Variants in MCHR1 observed in about 807,000 individuals in gnomAD.
MCHR1 encodes the protein melanin concentrating hormone receptor 1.
A neutral mutation model predicts 20.4 loss-of-function variants in MCHR1; 13 were observed. That is an observed-to-expected ratio of 0.64 (90% confidence interval 0.41 to 1.01). MCHR1 has a LOEUF of 1.01. Among genes scored for constraint, MCHR1 ranks in the 50% least tolerant of loss-of-function variants. The probability of loss-of-function intolerance (pLI) is 0.00; values close to 1 mark genes in which losing one functional copy is unlikely to be tolerated. For synonymous variants in MCHR1, 215 were observed against 204.4 expected, an observed-to-expected ratio of 1.05 and a Z score of -0.44; for missense variants, 472 against 477.0, an observed-to-expected ratio of 0.99 and a Z score of 0.10.
rs772656110 is a variant in MCHR1, at chr22:40,679,496, AGGC to A, written c.-153_-151del. 3 of 1,614,110 alleles carry A rather than the reference AGGC, an allele frequency of 1.9e-6. No individual in the cohort carries two copies. The South Asian group carries it at 3.3e-5, about 18-fold the overall frequency. On this transcript the variant is annotated 5_prime_UTR_variant, in exon 1 of 2. Transcript: ENST00000249016. The stretch of plus-strand genomic sequence containing the variant: ...GAGTGGGGAGGGCAGTTGGGCTTGG[AGGC>A]GGCAGCGGCTGCCAGGCTACGGAGG...
At position 40,680,866 on chromosome 22, in the gene MCHR1, G is replaced by A. The variant is rs114370642; in HGVS notation, c.83-83G>A. 209 of 1,595,312 alleles carry A rather than the reference G, an allele frequency of 1.3e-4. No individual in the cohort carries two copies. The African/African-American group carries it at 2.6e-3, about 19-fold the overall frequency. On this transcript the variant is annotated intron_variant, in intron 1 of 1. Coordinates refer to ENST00000249016, the MANE Select transcript of MCHR1 (RefSeq NM_005297.4). ...GATTCCAGATGAACGGTGGGTCGCT[G>A]GAGGCTGAGCATGCCAGCAGGATGT... is the stretch of plus-strand genomic sequence containing the variant.
chr22:40,682,699 T>A lies in MCHR1; in HGVS notation c.*771T>A, dbSNP rs1028410541. The A allele has an allele frequency of 6.5e-6, 1 of 153,084 alleles. No individual in the cohort carries two copies. Among genetic ancestry groups the A allele is most frequent in the East Asian group, 1.9e-4 (1 of 5,196 alleles). 9.5% of individuals were successfully genotyped at this position (153,084 alleles called of 1,614,324 possible). A position where few individuals can be genotyped will look rare whatever the true frequency, so the allele number is the denominator to read the frequency against. On this transcript the variant is annotated 3_prime_UTR_variant, in exon 2 of 2. Transcript: ENST00000249016. ...CTCAGTCACTAATCCAGCTTGAGTG[T>A]CCGTGTGTTCTGCATGTGCAGGGGT...
chr22:40,680,917 A>G (rs1403806194), intron 1 of MCHR1, 32 bp from the exon 2 acceptor site: 1 of 1,612,286 alleles, frequency 6.2e-7, no homozygotes, highest in South Asian at 1.1e-5. Context: ...AGCCCATGTC[A>G]AACAGCCAAC....
At chr22:40,679,759 C>A in intron 1 of MCHR1, 25 bp downstream of exon 1, 1 of 1,613,630 alleles carries the variant, frequency 6.2e-7, no homozygotes, top group South Asian at 1.1e-5. Flanking sequence ...AGCCCTCCCT[C>A]CTCTGGGCTG....
intron 1 of MCHR1, 177 bp from the exon 2 acceptor site, chr22:40,680,772 A>G: frequency 1.0e-6 from 1 of 985,270 alleles, no homozygotes; most frequent in Middle Eastern, 5.2e-4. Context: ...AGGATTCACC[A>G]GGAAACTCAT....
rs763028861 is a variant in MCHR1, at chr22:40,679,753, C to T, written c.82+19C>T. 1.2e-6 allele frequency: 2 copies of T among 1,613,908 alleles called. No individual in the cohort carries two copies. The highest frequency in any genetic ancestry group is 1.7e-6 in the Non-Finnish European group (2 of 1,179,844). ...TCGGCAGGTGAGTTGACTGGGAGCC[C>T]TCCCTCCTCTGGGCTGTGGGTGGAA... On this transcript the variant is annotated intron_variant, in intron 1 of 1. Coordinates refer to ENST00000249016, the MANE Select transcript of MCHR1 (RefSeq NM_005297.4).
At position 40,681,165 on chromosome 22, in the gene MCHR1, T is replaced by C. The variant is rs2056877760; in HGVS notation, c.299T>C (p.Ile100Thr). 1 of 1,614,086 alleles carries C rather than the reference T, an allele frequency of 6.2e-7. No homozygotes were observed. Among genetic ancestry groups the C allele is most frequent in the Non-Finnish European group, 8.5e-7 (1 of 1,179,988 alleles). The change falls in exon 2 of 2, where the codon ATC becomes ACC. Residue 100 changes from isoleucine to threonine, a missense_variant. Ile to Thr is a moderately conservative substitution (Grantham distance 89). Coordinates refer to ENST00000249016, the MANE Select transcript of MCHR1 (RefSeq NM_005297.4). This position sits in a 1 kb window ranked among gnomAD's most constrained non-coding sequence, Gnocchi z 4.3. The stretch of plus-strand genomic sequence containing the variant: ...TTTCTCCTGGGCATGCCCTTCATGA[T>C]CCACCAGCTCATGGGCAATGGGGTG... ...LLFLLGMPFM[I>T]HQLMGNGVWH...
In MCHR1 at chr22:40,679,745, T is replaced by C; in HGVS notation, c.82+11T>C. 1.2e-6 allele frequency: 2 copies of C among 1,614,008 alleles called. No individual in the cohort carries two copies. Among genetic ancestry groups the C allele is most frequent in the Middle Eastern group, 1.6e-4 (1 of 6,062 alleles). ...ACCTCACTTCGGCAGGTGAGTTGAC[T>C]GGGAGCCCTCCCTCCTCTGGGCTGT... On this transcript the variant is annotated intron_variant, in intron 1 of 1. Coordinates refer to ENST00000249016, the MANE Select transcript of MCHR1 (RefSeq NM_005297.4).
At chr22:40,680,869 G>A in intron 1 of MCHR1, 80 bp from the exon 2 acceptor site, 5 of 1,592,018 alleles carry the variant, frequency 3.1e-6, no homozygotes, top group Non-Finnish European at 4.3e-6. Flanking sequence ...GGTCGCTGGA[G>A]GCTGAGCATG....
chr22:40,680,913 T>G (rs201899738), intron 1 of MCHR1, 36 bp from the exon 2 acceptor site: 53 of 1,611,828 alleles, frequency 3.3e-5, no homozygotes, highest in Non-Finnish European at 4.3e-5. Flanking sequence ...GCAAAGCCCA[T>G]GTCAAACAGC....
intron 1 of MCHR1, among the ~76,000 whole-genome samples, chr22:40,680,599 G>C (rs1436350970): frequency 1.3e-5 from 2 of 151,492 alleles, no homozygotes; most frequent in South Asian, 4.2e-4. Flanking sequence ...CACATACACA[G>C]ACACTTACTT....
At position 40,679,607 on chromosome 22, in the gene MCHR1, G is replaced by A. The variant is rs968597948; in HGVS notation, c.-46G>A. ...GGCTGCCGCAGCCTGCGTGGGTGGA[G>A]GGGAGCTCAGCTCGGTTGTGGGAGC... On this transcript the variant is annotated 5_prime_UTR_variant, in exon 1 of 2. Coordinates refer to ENST00000249016, the MANE Select transcript of MCHR1 (RefSeq NM_005297.4). The A allele has an allele frequency of 1.9e-6, 3 of 1,613,926 alleles. No homozygotes were observed. The highest frequency in any genetic ancestry group is 8.5e-7 in the Non-Finnish European group (1 of 1,179,862).
At position 40,681,766 on chromosome 22, in the gene MCHR1, C is replaced by T. The variant is rs767755659; in HGVS notation, c.900C>T (p.Gly300=). The change falls in exon 2 of 2, where the codon GGC becomes GGT. Residue 300 remains glycine (G), a synonymous_variant. Coordinates refer to ENST00000249016, the MANE Select transcript of MCHR1 (RefSeq NM_005297.4). This position sits in a 1 kb window ranked among gnomAD's most constrained non-coding sequence, Gnocchi z 4.3. ...VYLYNAAISL[G]YANSCLNPFV... is the part of the protein sequence containing the mutation. ...TATACAATGCGGCCATCAGCTTGGG[C>T]TATGCCAACAGCTGCCTCAACCCCT... The T allele has an allele frequency of 4.3e-6, 7 of 1,614,144 alleles. No individual in the cohort carries two copies. The East Asian group carries it at 1.3e-4, about 31-fold the overall frequency.
Position 40,680,964 on chromosome 22 carries a change from C to A in MCHR1, c.98C>A (p.Thr33Lys). 1.2e-6 allele frequency: 2 copies of A among 1,614,104 alleles called. No individual in the cohort carries two copies. The highest frequency in any genetic ancestry group is 1.7e-6 in the Non-Finnish European group (2 of 1,180,026). The change falls in exon 2 of 2, where the codon ACG becomes AAG. Residue 33 changes from threonine (T) to lysine (K), a missense_variant. Physicochemically the swap from Thr to Lys is moderately conservative, Grantham distance 78. Coordinates refer to ENST00000249016, the MANE Select transcript of MCHR1 (RefSeq NM_005297.4). ...CTGTCCCCAGGATCACCTCCTCGCA[C>A]GGGGAGCATCTCCTACATCAACATC... ...NLTSAGSPPR[T>K]GSISYINIIM...
chr22:40,681,262 C>A lies in MCHR1; in HGVS notation c.396C>A (p.Tyr132Ter). 6.2e-7 allele frequency: 1 copy of A among 1,614,180 alleles called. No individual in the cohort carries two copies. Among genetic ancestry groups the A allele is most frequent in the Non-Finnish European group, 8.5e-7 (1 of 1,180,040 alleles). ...MDANSQFTST[Y>*]ILTAMAIDRY... is the part of the protein sequence containing the mutation. ...CCAATAGTCAGTTCACCAGCACCTA[C>A]ATCCTGACCGCCATGGCCATTGACC... Residue 132 changes from tyrosine (Y) to a stop codon, truncating the protein, a stop_gained, in exon 2 of 2, where the codon TAC (tyrosine) becomes TAA (stop). Coordinates refer to ENST00000249016, the MANE Select transcript of MCHR1 (RefSeq NM_005297.4). LOFTEE classifies it high-confidence loss of function. This position sits in a 1 kb window ranked among gnomAD's most constrained non-coding sequence, Gnocchi z 4.3.
In MCHR1 at chr22:40,680,977, C is replaced by T. The variant is rs201285391; in HGVS notation, c.111C>T (p.Ser37=). ...AGSPPRTGSI[S]YINIIMPSVF... is the part of the protein sequence containing the mutation. ...CACCTCCTCGCACGGGGAGCATCTC[C>T]TACATCAACATCATCATGCCTTCGG... Residue 37 remains serine, a synonymous_variant, in exon 2 of 2, where the codon TCC becomes TCT. Transcript: ENST00000249016. 2.5e-6 allele frequency: 4 copies of T among 1,614,182 alleles called. No homozygotes were observed. The highest frequency in any genetic ancestry group is 3.4e-6 in the Non-Finnish European group (4 of 1,180,032).
rs1439392109 is a variant in MCHR1 at position 40,681,936 on chromosome 22, C to A, written c.*8C>A. The stretch of plus-strand genomic sequence containing the variant: ...GAAAGCAAAGGCACCTGATACTTCC[C>A]CTGCCACCCTGCACACCTCCAAGTC... On this transcript the variant is annotated 3_prime_UTR_variant, in exon 2 of 2. Coordinates refer to ENST00000249016, the MANE Select transcript of MCHR1 (RefSeq NM_005297.4). The surrounding 1 kb of genome is among the most constrained non-coding windows in gnomAD (Gnocchi z 4.3). 1 of 1,602,442 alleles carries A rather than the reference C, an allele frequency of 6.2e-7. No individual in the cohort carries two copies. The highest frequency in any genetic ancestry group is 8.5e-7 in the Non-Finnish European group (1 of 1,179,992).
chr22:40,680,663 A>C, intron 1 of MCHR1: 1 of 622,148 alleles, frequency 1.6e-6, no homozygotes, highest in Non-Finnish European at 2.0e-6. Context: ...CGGGGCTCAC[A>C]GAGTAATCTC....
Position 40,681,460 on chromosome 22 carries a change from G to GCCCAA in MCHR1, c.599_603dup (p.Asp202ThrfsTer30). Reference sequence around the variant, plus strand: ...GTGCAGTGGGCTGCGGCATACGCCTGCCCAACCCAGACACTGACCTCTACT... The same window carrying GCCCAA: ...GTGCAGTGGGCTGCGGCATACGCCTGCCCAACCCAACCCAGACACTGACCTCTACT... On this transcript the variant is annotated frameshift_variant, in exon 2 of 2. Coordinates refer to ENST00000249016, the MANE Select transcript of MCHR1 (RefSeq NM_005297.4). LOFTEE classifies it high-confidence loss of function. This position sits in a 1 kb window ranked among gnomAD's most constrained non-coding sequence, Gnocchi z 4.3. The GCCCAA allele has an allele frequency of 6.2e-7, 1 of 1,613,202 alleles. No individual in the cohort carries two copies. The highest frequency in any genetic ancestry group is 8.5e-7 in the Non-Finnish European group (1 of 1,180,026).
Sources: gnomAD v4.1 joint callset for allele counts (sites outside exome capture counted in the v4.1 genomes callset) on GRCh38, gnomAD v4.1.1 for gene constraint, Gnocchi (gnomAD v3.1) non-coding constraint, MANE v1.5 for transcripts, NCBI Gene and HGNC (gene_info 2026-07-23, HGNC 2026-07-21) for gene names.